Variants in GNE observed in about 807,000 individuals in gnomAD.
GNE encodes the protein bifunctional UDP-N-acetylglucosamine 2-epimerase/N-acetylmannosamine kinase.
GNE carries 41 observed loss-of-function variants against 61.8 expected under a neutral mutation model. The observed-to-expected ratio is 0.66, with a 90% CI of 0.52 to 0.86. The LOEUF is 0.86. Among genes scored for constraint, GNE ranks in the 40% least tolerant of loss-of-function variants. The pLI, the probability that GNE is intolerant of heterozygous loss-of-function variation, is 0.00. For missense variants in GNE, 608 were observed against 909.1 expected, an observed-to-expected ratio of 0.67 and a Z score of 4.26; for synonymous variants, 264 against 326.4, an observed-to-expected ratio of 0.81 and a Z score of 2.06.
At chr9:36,249,090 G>T in intron 2 of GNE, 102 bp downstream of exon 2, 1 of 889,650 alleles carries the variant, frequency 1.1e-6, no homozygotes, top group Non-Finnish European at 1.9e-6. Flanking sequence ...TAAAAACTAA[G>T]CAGCAGAACA....
intron 7 of GNE, among the ~76,000 whole-genome samples, chr9:36,224,813 T>G (rs1470215151): frequency 6.6e-6 from 1 of 152,096 alleles, no homozygotes; most frequent in Non-Finnish European, 1.5e-5. Context: ...GAGGTTGCAG[T>G]AAGCCGAGAT....
chr9:36,224,377 T>A (rs1469135391), intron 7 of GNE, among the ~76,000 whole-genome samples: 2 of 152,026 alleles, frequency 1.3e-5, no homozygotes, highest in Non-Finnish European at 2.9e-5. Context: ...CAGGCTGCGG[T>A]GAGCTGAGAT....
At chr9:36,227,535 G>A (rs1169982091) in intron 6 of GNE, 77 bp from the exon 7 acceptor site, 2 of 910,392 alleles carry the variant, frequency 2.2e-6, no homozygotes, top group Non-Finnish European at 3.6e-6. Context: ...ATAATGTAAT[G>A]GAAACTGAGA....
intron 1 of GNE, among the ~76,000 whole-genome samples, chr9:36,271,396 C>G (rs1831023812): frequency 6.6e-6 from 1 of 152,178 alleles, no homozygotes; most frequent in African/African-American, 2.4e-5. Flanking sequence ...TGTTTTGAGA[C>G]CGAGTCTCGC....
chr9:36,233,773 A>G lies in GNE; in HGVS notation c.982+147T>C, dbSNP rs1829276689. Reference sequence around the variant, plus strand: ...GGTAATCACTGTGTGCTATTTATCGACTATAGATTTTAGGCTTCAACTGGT... The same window carrying G: ...GGTAATCACTGTGTGCTATTTATCGGCTATAGATTTTAGGCTTCAACTGGT... On this transcript the variant is annotated intron_variant, in intron 5 of 11. Transcript: ENST00000642385. The G allele has an allele frequency of 6.6e-6, 5 of 761,922 alleles. No individual in the cohort carries two copies. The Admixed American group carries it at 6.9e-5, about 11-fold the overall frequency. The allele number at this position is 761,922 out of a possible 1,614,324, so 47.2% of individuals were successfully genotyped here. A position where few individuals can be genotyped will look rare whatever the true frequency, so the allele number is the denominator to read the frequency against.
chr9:36,229,528 G>T (rs1167659244), intron 5 of GNE, among the ~76,000 whole-genome samples: 1 of 152,168 alleles, frequency 6.6e-6, no homozygotes, highest in Admixed American at 6.5e-5. Flanking sequence ...CAATATGAGG[G>T]AGTAAATCTA....
At position 36,236,853 on chromosome 9, in the gene GNE, G is replaced by T. The variant is rs886042585; in HGVS notation, c.748C>A (p.Leu250Met). 1 of 1,613,900 alleles carries T rather than the reference G, an allele frequency of 6.2e-7. No homozygotes were observed. Among genetic ancestry groups the T allele is most frequent in the Non-Finnish European group, 8.5e-7 (1 of 1,179,822 alleles). Residue 250 changes from leucine (L) to methionine (M), a missense_variant, in exon 4 of 12, where the codon CTG becomes ATG. Leu to Met is a conservative substitution (Grantham distance 15). Transcript: ENST00000642385. The stretch of plus-strand genomic sequence containing the variant: ...TTACCTGCGTCAATATTTGGAAACA[G>T]GACTAGGGTCCGCTTGTTAAATGAG... ...LISFNKRTLV[L>M]FPNIDAGSKE...
chr9:36,265,304 C>A, intron 1 of GNE: 1 of 439,164 alleles, frequency 2.3e-6, no homozygotes, highest in South Asian at 1.6e-5. Context: ...GGCCAAGAAC[C>A]CCAGGTCAGA....
Position 36,219,833 on chromosome 9 carries a change from C to G in GNE, c.1816+5G>C. 6.2e-7 allele frequency: 1 copy of G among 1,613,348 alleles called. No individual in the cohort carries two copies. The highest frequency in any genetic ancestry group is 8.5e-7 in the Non-Finnish European group (1 of 1,179,230). On this transcript the variant is annotated splice_donor_5th_base_variant and intron_variant, in intron 10 of 11. Coordinates refer to ENST00000642385, the MANE Select transcript of GNE (RefSeq NM_005476.7). ...TACTTAATTCCTCGAGAGAGGGACA[C>G]CAACCATCATGGAGCTTTTTTGCCT... is the stretch of plus-strand genomic sequence containing the variant.
chr9:36,266,782 G>A (rs1385132382), intron 1 of GNE, among the ~76,000 whole-genome samples: 6 of 152,182 alleles, frequency 3.9e-5, no homozygotes, highest in African/African-American at 1.2e-4. Flanking sequence ...GGTGGCGGGC[G>A]CCTGTAGTCC....
intron 1 of GNE, among the ~76,000 whole-genome samples, chr9:36,264,103 C>G (rs912273079): frequency 6.6e-6 from 1 of 152,012 alleles, no homozygotes; most frequent in Non-Finnish European, 1.5e-5. Flanking sequence ...TACATGTATC[C>G]TTAAATCATC....
chr9:36,234,150 A>T lies in GNE; in HGVS notation c.770-18T>A. The T allele has an allele frequency of 6.3e-7, 1 of 1,582,420 alleles. No homozygotes were observed. The highest frequency in any genetic ancestry group is 8.7e-7 in the Non-Finnish European group (1 of 1,151,092). Reference sequence around the variant, plus strand: ...TTTGCTCCCTATGAAAATGAAAAGAACCAATTGGTAAATGGTTTGTGAGAT... The same window carrying T: ...TTTGCTCCCTATGAAAATGAAAAGATCCAATTGGTAAATGGTTTGTGAGAT... On this transcript the variant is annotated intron_variant, in intron 4 of 11. Transcript: ENST00000642385.
chr9:36,244,753 T>G (rs986705200), intron 3 of GNE, among the ~76,000 whole-genome samples: 1 of 149,074 alleles, frequency 6.7e-6, no homozygotes, highest in Non-Finnish European at 1.5e-5. Context: ...CTGACCAACA[T>G]AGTGAAACCC....
intron 1 of GNE, among the ~76,000 whole-genome samples, chr9:36,256,239 CTTTTTTTTTT>C (rs34215482): frequency 1.8e-5 from 1 of 55,988 alleles, no homozygotes; most frequent in Non-Finnish European, 3.4e-5. Flanking sequence ...AAACCCAATT[CTTTTTTTTTT>C]TTTTTTTTTT....
chr9:36,261,248 A>C (rs932715771), upstream of GNE, among the ~76,000 whole-genome samples: 37 of 152,182 alleles, frequency 2.4e-4, no homozygotes, highest in Non-Finnish European at 4.0e-4. Context: ...ACATGGTCAC[A>C]GGTTCAGGGA....
chr9:36,227,267 A>G lies in GNE; in HGVS notation c.1262T>C (p.Val421Ala), dbSNP rs1057516364. ...AVDLGGTNLRVAIVSMKGEIV... is the reference protein window; with the variant it reads ...AVDLGGTNLRAAIVSMKGEIV... ...TTTTACCTTCATGCTGACTATTGCA[A>G]CTCGGAGGTTCGTCCCGCCAAGATC... The change falls in exon 7 of 12, where the codon GTT becomes GCT. Residue 421 changes from valine to alanine, a missense_variant. By Grantham distance (64) the Val-to-Ala change is moderately conservative (BLOSUM62 0). Coordinates refer to ENST00000642385, the MANE Select transcript of GNE (RefSeq NM_005476.7). The G allele has an allele frequency of 1.9e-6, 3 of 1,611,724 alleles. No homozygotes were observed. In the East Asian group the frequency reaches 6.7e-5, roughly 36 times the overall value.
intron 1 of GNE, among the ~76,000 whole-genome samples, chr9:36,257,802 C>CAA (rs60845805): frequency 0.19 from 4,795 of 25,174 alleles, 1,433 homozygotes; most frequent in Non-Finnish European, 0.24. Context: ...GACTCAGTCT[C>CAA]AAAAAAAAAA....
At chr9:36,224,502 T>A (rs1828765030) in intron 7 of GNE, among the ~76,000 whole-genome samples, 1 of 152,114 alleles carries the variant, frequency 6.6e-6, no homozygotes, top group Non-Finnish European at 1.5e-5. Flanking sequence ...GTAACTGAAT[T>A]CAGTGATGGT....
At position 36,218,384 on chromosome 9, in the gene GNE, T is replaced by G. The variant is rs138577941; in HGVS notation, c.1817-85A>C. 5.9e-4 allele frequency: 533 copies of G among 897,804 alleles called. 5 individuals are homozygous for G. The East Asian group carries it at 6.9e-3, about 12-fold the overall frequency. The allele number at this position is 897,804 out of a possible 1,614,324, so 55.6% of individuals were successfully genotyped here. A position where few individuals can be genotyped will look rare whatever the true frequency, so the allele number is the denominator to read the frequency against. ...ACTGGGCCTGTGGAAAGCAAGCCCC[T>G]ACATGGGAAGACGGTGTTTTCTTTT... On this transcript the variant is annotated intron_variant, in intron 10 of 11. Transcript: ENST00000642385. This position sits in a 1 kb window ranked among gnomAD's most constrained non-coding sequence, Gnocchi z 4.1.
Sources: allele counts gnomAD v4.1 joint callset (sites outside exome capture counted in the v4.1 genomes callset), GRCh38; gene constraint gnomAD v4.1.1; non-coding constraint Gnocchi (gnomAD v3.1); transcripts MANE v1.5; gene names NCBI Gene and HGNC (gene_info 2026-07-23, HGNC 2026-07-21).